CNTNAP2: variants seen among roughly 807,000 people sequenced by gnomAD.
The protein encoded by CNTNAP2 is contactin-associated protein-like 2.
In CNTNAP2, 98 loss-of-function variants were observed where a neutral mutation model predicts 155.2. That is an observed-to-expected ratio of 0.63 (90% CI 0.54 to 0.75). The LOEUF is 0.75. CNTNAP2 is among the 30% of genes least tolerant of loss of function. The pLI, the probability that CNTNAP2 is intolerant of heterozygous loss-of-function variation, is 0.00. For synonymous variants in CNTNAP2, 651 were observed against 631.2 expected (o/e 1.03, Z -0.47); for missense variants, 1,727 against 1,688.1 (o/e 1.02, Z -0.40).
chr7:146,203,972 G>A (rs1798906412), intron 1 of CNTNAP2, among the ~76,000 whole-genome samples: 1 of 151,998 alleles, frequency 6.6e-6, no homozygotes, highest in Non-Finnish European at 1.5e-5. Context: ...ATTATATACT[G>A]TACCTTTACT....
chr7:148,274,292 G>C (rs139007723), intron 21 of CNTNAP2, among the ~76,000 whole-genome samples: 2 of 152,098 alleles, frequency 1.3e-5, no homozygotes, highest in African/African-American at 4.8e-5. Context: ...CTATAGGGCT[G>C]TTTGTTACTG....
intron 3 of CNTNAP2, among the ~76,000 whole-genome samples, chr7:146,854,193 A>G (rs931075282): frequency 6.6e-6 from 1 of 152,214 alleles, no homozygotes; most frequent in Non-Finnish European, 1.5e-5. Flanking sequence ...GCAATCTCCA[A>G]TCCAAGCTGG....
At position 147,576,821 on chromosome 7, in the gene CNTNAP2, C is replaced by T. The variant is rs536324461; in HGVS notation, c.1897+14564C>T. On this transcript the variant is annotated intron_variant, in intron 12 of 23. Coordinates refer to ENST00000361727, the MANE Select transcript of CNTNAP2 (RefSeq NM_014141.6). ...CTTATACGTTTGGGGTAGTATCTACCTCTAAAATCTGTTCTTTTAATGAAA... is the reference window on the plus strand; with the variant it reads ...CTTATACGTTTGGGGTAGTATCTACTTCTAAAATCTGTTCTTTTAATGAAA... 2.1e-4 allele frequency among the ~76,000 whole-genome samples: 32 copies of T among 152,026 alleles called. 1 individual carries two copies. In the South Asian group the frequency reaches 6.0e-3, roughly 29 times the overall value.
chr7:147,833,987 A>AAGGT (rs1282282556), intron 13 of CNTNAP2, among the ~76,000 whole-genome samples: 7 of 152,166 alleles, frequency 4.6e-5, no homozygotes, highest in African/African-American at 1.7e-4. Context: ...CATGGAGAGG[A>AAGGT]AGGTACACAT....
intron 21 of CNTNAP2, among the ~76,000 whole-genome samples, chr7:148,354,511 G>A (rs183838645): frequency 1.3e-5 from 2 of 152,124 alleles, no homozygotes; most frequent in East Asian, 3.9e-4. Flanking sequence ...TTCAGGGACT[G>A]CCTGCCTCCT....
chr7:146,388,351 C>A (rs535922180), intron 1 of CNTNAP2, among the ~76,000 whole-genome samples: 1 of 151,986 alleles, frequency 6.6e-6, no homozygotes, highest in Non-Finnish European at 1.5e-5. Flanking sequence ...GGGAGGATCA[C>A]CTGAGCCCGG....
chr7:146,169,710 C>G (rs1400009716), intron 1 of CNTNAP2, among the ~76,000 whole-genome samples: 1 of 151,356 alleles, frequency 6.6e-6, no homozygotes, highest in African/African-American at 2.4e-5. Context: ...TCAGTGAAAT[C>G]ACATAGTATT....
intron 15 of CNTNAP2, among the ~76,000 whole-genome samples, chr7:148,059,715 C>A (rs1308673217): frequency 6.7e-6 from 1 of 148,738 alleles, no homozygotes; most frequent in African/African-American, 2.5e-5. Context: ...AAAGAAATTT[C>A]TATATTTTAA....
At chr7:148,281,997 G>T (rs1004266878) in intron 21 of CNTNAP2, among the ~76,000 whole-genome samples, 5 of 151,840 alleles carry the variant, frequency 3.3e-5, no homozygotes, top group African/African-American at 1.2e-4. Context: ...GCTAATTTTT[G>T]TATTTTTAGT....
chr7:146,585,177 A>G (rs1323604082), intron 1 of CNTNAP2, among the ~76,000 whole-genome samples: 1 of 152,048 alleles, frequency 6.6e-6, no homozygotes, highest in African/African-American at 2.4e-5. Flanking sequence ...ACTGGAGTGC[A>G]GTGGCACGAT....
chr7:147,754,646 G>A (rs1392845043), intron 13 of CNTNAP2, among the ~76,000 whole-genome samples: 1 of 152,032 alleles, frequency 6.6e-6, no homozygotes, highest in Non-Finnish European at 1.5e-5. Context: ...ATGAGAATAT[G>A]GGTTTTTAAA....
intron 1 of CNTNAP2, among the ~76,000 whole-genome samples, chr7:146,389,521 T>G (rs1050096716): frequency 1.5e-4 from 23 of 151,902 alleles, no homozygotes; most frequent in African/African-American, 5.6e-4. Flanking sequence ...TCATATCAAC[T>G]TTTATTTTTA....
At chr7:147,903,334 T>G (rs1312076613) in intron 13 of CNTNAP2, among the ~76,000 whole-genome samples, 2 of 152,228 alleles carry the variant, frequency 1.3e-5, no homozygotes, top group Non-Finnish European at 2.9e-5. Flanking sequence ...TTTTTTCTTG[T>G]TAATTCATTT....
intron 14 of CNTNAP2, among the ~76,000 whole-genome samples, chr7:147,940,856 A>G (rs1192736789): frequency 1.3e-5 from 2 of 152,208 alleles, no homozygotes; most frequent in East Asian, 3.8e-4. Flanking sequence ...ATCTTTTAGA[A>G]AACCCCATCA....
chr7:146,848,828 A>G (rs563189297), intron 3 of CNTNAP2, among the ~76,000 whole-genome samples: 1 of 152,348 alleles, frequency 6.6e-6, no homozygotes, highest in Admixed American at 6.5e-5. Context: ...GCTTGAGTGC[A>G]GTAGAGCGAT....
At chr7:146,543,561 A>T (rs1027238394) in intron 1 of CNTNAP2, among the ~76,000 whole-genome samples, 1 of 151,944 alleles carries the variant, frequency 6.6e-6, no homozygotes, top group African/African-American at 2.4e-5. Context: ...ACCTAGAATG[A>T]AAGGGCTTCA....
chr7:146,620,714 T>C (rs1371207820), intron 1 of CNTNAP2, among the ~76,000 whole-genome samples: 6 of 152,154 alleles, frequency 3.9e-5, no homozygotes, highest in Admixed American at 3.9e-4. Flanking sequence ...GAAAACAATG[T>C]TTGATGATCC....
intron 1 of CNTNAP2, among the ~76,000 whole-genome samples, chr7:146,217,797 C>T (rs1239188029): frequency 1.3e-5 from 2 of 151,980 alleles, no homozygotes; most frequent in African/African-American, 2.4e-5. Flanking sequence ...TTAACCAGCA[C>T]ATAGTTATAT....
chr7:147,781,205 A>G (rs1213416751), intron 13 of CNTNAP2, among the ~76,000 whole-genome samples: 2 of 152,138 alleles, frequency 1.3e-5, no homozygotes. Context: ...ATATTAGAGG[A>G]GCTCTTTATG....
Sources: gnomAD v4.1 joint callset for allele counts (sites outside exome capture counted in the v4.1 genomes callset) on GRCh38, gnomAD v4.1.1 for gene constraint, MANE v1.5 for transcripts, NCBI Gene and HGNC (gene_info 2026-07-23, HGNC 2026-07-21) for gene names.